CYP2C19: variants seen among roughly 807,000 people sequenced by gnomAD.
CYP2C19 encodes the protein cytochrome P450 2C19.
Under a neutral mutation model 40.9 loss-of-function variants are expected in CYP2C19, and 59 were observed. The ratio of observed to expected loss-of-function variants is 1.44; its 90% confidence interval spans 1.17 to 1.79. CYP2C19 has a LOEUF of 1.79. Ranked by LOEUF, CYP2C19 falls within the 40% of genes most tolerant of loss-of-function variation. CYP2C19 has a pLI of 0.00. For synonymous variants in CYP2C19, 253 were observed against 208.7 expected (o/e 1.21, Z -1.83); for missense variants, 754 against 596.9 (o/e 1.26, Z -2.74).
chr10:94,830,402 G>A (rs1589371679), intron 6 of CYP2C19, among the ~76,000 whole-genome samples: 1 of 152,284 alleles, frequency 6.6e-6, no homozygotes. Context: ...TATTCGGGTG[G>A]GAGTGACCCG....
chr10:94,792,757 C>A (rs1248583595), intron 5 of CYP2C19, among the ~76,000 whole-genome samples: 1 of 152,112 alleles, frequency 6.6e-6, no homozygotes, highest in East Asian at 1.9e-4. Flanking sequence ...TTGGGGGTAA[C>A]CCAACCTTTC....
At chr10:94,805,162 G>A (rs995701842) in intron 5 of CYP2C19, among the ~76,000 whole-genome samples, 4 of 151,774 alleles carry the variant, frequency 2.6e-5, no homozygotes, top group African/African-American at 7.3e-5. Context: ...TAAGACTTTA[G>A]CCTTTCAAAA....
chr10:94,797,154 T>C (rs562097350), intron 5 of CYP2C19, among the ~76,000 whole-genome samples: 1 of 151,972 alleles, frequency 6.6e-6, no homozygotes, highest in Non-Finnish European at 1.5e-5. Context: ...TTATTATTTT[T>C]AGATACGTCC....
chr10:94,831,045 C>G (rs529157279), intron 6 of CYP2C19, among the ~76,000 whole-genome samples: 1 of 152,288 alleles, frequency 6.6e-6, no homozygotes, highest in South Asian at 2.1e-4. Flanking sequence ...TTTCAAGTAT[C>G]TGGTAGCCAT....
chr10:94,814,286 C>A (rs918599756), intron 5 of CYP2C19, among the ~76,000 whole-genome samples: 7 of 151,808 alleles, frequency 4.6e-5, no homozygotes, highest in Admixed American at 1.3e-4. Flanking sequence ...ATTTTGAATT[C>A]CTTTTTTGAA....
chr10:94,833,060 T>C (rs1314471402), intron 6 of CYP2C19, among the ~76,000 whole-genome samples: 1 of 152,214 alleles, frequency 6.6e-6, no homozygotes, highest in African/African-American at 2.4e-5. Context: ...CTTTTTCTCA[T>C]TGTTCACTGT....
Position 94,847,650 on chromosome 10 carries a change from C to T in CYP2C19, c.1150-2267C>T, listed in dbSNP as rs184093123. Among the ~76,000 whole-genome samples the T allele has an allele frequency of 3.1e-3, 473 of 152,272 alleles. 3 individuals carry two copies. Among genetic ancestry groups the T allele is most frequent in the African/African-American group, 0.011 (450 of 41,526 alleles). ...TAGTTCTAGACCCCTGAGGAATCAC[C>T]ACACTGACTTCCACAATGGTTGAAC... On this transcript the variant is annotated intron_variant, in intron 7 of 8. Transcript: ENST00000371321.
In CYP2C19 at chr10:94,853,519, G is replaced by T. The variant is rs1849686559; in HGVS notation, c.*605G>T. On this transcript the variant is annotated 3_prime_UTR_variant, in exon 9 of 9. Coordinates refer to ENST00000371321, the MANE Select transcript of CYP2C19 (RefSeq NM_000769.4). Reference sequence around the variant, plus strand: ...CAGAGGATCAGGTATTGGGAGGAATGGATATTAAATGTTCCACATTGGTGT... The same window carrying T: ...CAGAGGATCAGGTATTGGGAGGAATTGATATTAAATGTTCCACATTGGTGT... Among the ~76,000 whole-genome samples the T allele has an allele frequency of 6.6e-6, 1 of 150,754 alleles. No homozygotes were observed. The highest frequency in any genetic ancestry group is 1.5e-5 in the Non-Finnish European group (1 of 67,888).
intron 5 of CYP2C19, among the ~76,000 whole-genome samples, chr10:94,807,570 G>A (rs1357424735): frequency 2.0e-5 from 3 of 151,946 alleles, no homozygotes; most frequent in Admixed American, 6.6e-5. Context: ...TTGTCTTTTT[G>A]ATGATAGCAA....
At chr10:94,770,733 C>T (rs1848317362) in intron 1 of CYP2C19, among the ~76,000 whole-genome samples, 1 of 152,104 alleles carries the variant, frequency 6.6e-6, no homozygotes, top group Non-Finnish European at 1.5e-5. Context: ...CTTCCTTTCC[C>T]TGAGTTATGG....
intron 6 of CYP2C19, among the ~76,000 whole-genome samples, chr10:94,838,521 A>G (rs947030656): frequency 2.0e-5 from 3 of 152,152 alleles, no homozygotes; most frequent in African/African-American, 7.2e-5. Flanking sequence ...AGAGAGAAAA[A>G]GGTACATGCA....
In CYP2C19 at chr10:94,855,115, C is replaced by T. The variant is rs1473155736; in HGVS notation, c.*2201C>T. 1.3e-5 allele frequency among the ~76,000 whole-genome samples: 2 copies of T among 152,142 alleles called. No homozygotes were observed. The highest frequency in any genetic ancestry group is 2.9e-5 in the Non-Finnish European group (2 of 68,024). Reference sequence around the variant, plus strand: ...GGCTCATGAACTCCTTTTTCTTTCACTCCAAACACTTGCTTCTTTTGTTAC... The same window carrying T: ...GGCTCATGAACTCCTTTTTCTTTCATTCCAAACACTTGCTTCTTTTGTTAC... On this transcript the variant is annotated 3_prime_UTR_variant, in exon 9 of 9. Coordinates refer to ENST00000371321, the MANE Select transcript of CYP2C19 (RefSeq NM_000769.4).
intron 1 of CYP2C19, among the ~76,000 whole-genome samples, chr10:94,763,943 C>A (rs1848207730): frequency 6.6e-6 from 1 of 152,066 alleles, no homozygotes; most frequent in Non-Finnish European, 1.5e-5. Context: ...GGTTCATGGT[C>A]TTGCTGACTT....
intron 6 of CYP2C19, among the ~76,000 whole-genome samples, chr10:94,834,289 A>G (rs1849369124): frequency 1.3e-5 from 2 of 152,124 alleles, no homozygotes; most frequent in South Asian, 4.1e-4. Context: ...ATTGGCATAT[A>G]GTTGCTCATA....
At chr10:94,794,925 C>T (rs1848661000) in intron 5 of CYP2C19, among the ~76,000 whole-genome samples, 1 of 151,920 alleles carries the variant, frequency 6.6e-6, no homozygotes, top group Non-Finnish European at 1.5e-5. Flanking sequence ...TTGCCCTGGC[C>T]AGAGCTTCCA....
chr10:94,780,795 A>G, intron 4 of CYP2C19, 136 bp downstream of exon 4: 1 of 958,696 alleles, frequency 1.0e-6, no homozygotes, highest in Non-Finnish European at 1.6e-6. Context: ...TGGGGTGAAT[A>G]TCTGGAAAAG....
chr10:94,823,396 G>C (rs1483810933), intron 6 of CYP2C19, among the ~76,000 whole-genome samples: 1 of 152,146 alleles, frequency 6.6e-6, no homozygotes, highest in East Asian at 1.9e-4. Context: ...AGGCAGATTT[G>C]GTAAGGGTCC....
At chr10:94,825,104 C>T (rs375679049) in intron 6 of CYP2C19, among the ~76,000 whole-genome samples, 1 of 135,082 alleles carries the variant, frequency 7.4e-6, no homozygotes, top group East Asian at 2.1e-4. Context: ...GTGAATAATG[C>T]CGCAATAAAC....
chr10:94,772,893 TG>T (rs1248520180), intron 1 of CYP2C19, among the ~76,000 whole-genome samples: 2 of 152,170 alleles, frequency 1.3e-5, no homozygotes, highest in East Asian at 3.9e-4. Context: ...GCCATTCTCC[TG>T]CCTCAGCCTC....
Sources: gnomAD v4.1 joint callset for allele counts (sites outside exome capture counted in the v4.1 genomes callset) on GRCh38, gnomAD v4.1.1 for gene constraint, MANE v1.5 for transcripts, NCBI Gene and HGNC (gene_info 2026-07-23, HGNC 2026-07-21) for gene names.